The following AKAP14 variants were observed in gnomAD, a reference collection of about 807,000 sequenced individuals.
AKAP14 encodes A-kinase anchor protein 14.
In AKAP14, 4 loss-of-function variants were observed where a neutral mutation model predicts 17.0. That is an observed-to-expected ratio of 0.23 (90% CI 0.12 to 0.54). AKAP14 has a LOEUF of 0.54. AKAP14 is among the 20% of genes least tolerant of loss of function. The pLI, the probability that AKAP14 is intolerant of heterozygous loss-of-function variation, is 0.95. For synonymous variants in AKAP14, 42 were observed against 51.3 expected (o/e 0.82, Z 0.77); for missense variants, 129 against 150.9 (o/e 0.85, Z 0.76).
At chrX:119,903,072 C>T (rs1603377433) in intron 2 of AKAP14, 142 bp from the exon 3 acceptor site, 4 of 541,147 alleles carry the variant, frequency 7.4e-6, no homozygotes, top group Non-Finnish European at 1.2e-5. Flanking sequence ...CTGACTCCTA[C>T]CCTTAAACCC....
intron 4 of AKAP14, 159 bp downstream of exon 4, chrX:119,903,745 C>T: frequency 3.1e-6 from 3 of 972,502 alleles, no homozygotes; most frequent in Non-Finnish European, 4.2e-6. Context: ...GTTCCAAAAT[C>T]AAGGTGGGAT....
intron 5 of AKAP14, 120 bp downstream of exon 5, chrX:119,914,998 A>G: frequency 1.3e-6 from 1 of 755,432 alleles, no homozygotes; most frequent in Admixed American, 3.1e-5. Flanking sequence ...TCCTCATCTT[A>G]CTGGCCTATG....
At chrX:119,919,326 AG>A (rs1158094704) in intron 5 of AKAP14, among the ~76,000 whole-genome samples, 2 of 112,401 alleles carry the variant, frequency 1.8e-5, no homozygotes. Context: ...CATGTAAAGA[AG>A]GTTAATGACT....
chrX:119,919,620 C>A (rs894489610), intron 5 of AKAP14, among the ~76,000 whole-genome samples: 3 of 111,676 alleles, frequency 2.7e-5, no homozygotes, highest in African/African-American at 9.7e-5. Flanking sequence ...CCGAGGTGGG[C>A]GGATCACCTG....
chrX:119,903,555 AGG>A lies in AKAP14; in HGVS notation c.232_233del (p.Gly78SerfsTer2). ...ACTCACGGTGAATTCACTGTGGAAA[AGG>A]GTCTTAAACAAATTGACGAATATTT... On this transcript the variant is annotated frameshift_variant, in exon 4 of 7. Transcript: ENST00000371431. LOFTEE classifies it high-confidence loss of function. The A allele has an allele frequency of 4.1e-6, 5 of 1,211,766 alleles. No homozygotes were observed. The highest frequency in any genetic ancestry group is 5.6e-6 in the Non-Finnish European group (5 of 895,465).
rs112873913 is a variant in AKAP14, at chrX:119,911,169, A to T, written c.262-3530A>T. Among the ~76,000 whole-genome samples the T allele has an allele frequency of 7.2e-3, 768 of 105,999 alleles. 4 individuals carry two copies. The highest frequency in any genetic ancestry group is 0.026 in the South Asian group (59 of 2,231). The allele number at this position is 105,999 out of a possible 115,157, so 92.0% of individuals were successfully genotyped here. A position where few individuals can be genotyped will look rare whatever the true frequency, so the allele number is the denominator to read the frequency against. ...GGAGTTCAAGATCAGCCTGACCAAC[A>T]TGGTGAAACCCTGTCTCTACTAAAA... On this transcript the variant is annotated intron_variant, in intron 4 of 6. Transcript: ENST00000371431.
chrX:119,916,065 G>T (rs2147837991), intron 5 of AKAP14, among the ~76,000 whole-genome samples: 1 of 110,718 alleles, frequency 9.0e-6, no homozygotes, highest in Admixed American at 9.7e-5. Context: ...CTATCCTCCT[G>T]CCTCAGCCTC....
chrX:119,896,805 C>CTTTTTTTT lies in AKAP14; in HGVS notation c.-11+545_-11+546insTTTTTTTT, dbSNP rs765107118. On this transcript the variant is annotated intron_variant, in intron 2 of 6. Transcript: ENST00000371431. ...CAAATGGGCAATTTTCTTTTCTTTT[C>CTTTTTTTT]TTTTTTTCTTTTTTTTTTTTTTTGA... Among the ~76,000 whole-genome samples, 22 of 70,768 alleles carry CTTTTTTTT rather than the reference C, an allele frequency of 3.1e-4. 1 individual carries two copies. The highest frequency in any genetic ancestry group is 5.2e-4 in the East Asian group (1 of 1,931). The allele number at this position is 70,768 out of a possible 115,157, so 61.5% of individuals were successfully genotyped here.
At chrX:119,919,283 T>C (rs951221326) in intron 5 of AKAP14, among the ~76,000 whole-genome samples, 4 of 112,277 alleles carry the variant, frequency 3.6e-5, no homozygotes, top group African/African-American at 1.3e-4. Context: ...GCCATTCCTA[T>C]GAGGTAGAGA....
At chrX:119,910,361 AC>A (rs1464711563) in intron 4 of AKAP14, among the ~76,000 whole-genome samples, 1 of 111,436 alleles carries the variant, frequency 9.0e-6, no homozygotes, top group Non-Finnish European at 1.9e-5. Flanking sequence ...TCTCCACATT[AC>A]TGGGACTTGT....
In AKAP14 at chrX:119,903,632, C is replaced by T. The variant is rs202042393; in HGVS notation, c.261+46C>T. The T allele has an allele frequency of 3.6e-4, 437 of 1,201,090 alleles. 2 individuals carry two copies. In the South Asian group the frequency reaches 5.0e-3, roughly 14 times the overall value. ...CAGCATGGTACACCGGTGTGAAGAA[C>T]AATAAAGAGACTCTCAGCAGATCAA... On this transcript the variant is annotated intron_variant, in intron 4 of 6. Coordinates refer to ENST00000371431, the MANE Select transcript of AKAP14 (RefSeq NM_178813.6).
chrX:119,896,811 TTC>T (rs1491035375), intron 2 of AKAP14, among the ~76,000 whole-genome samples: 629 of 58,789 alleles, frequency 0.011, 28 homozygotes, highest in African/African-American at 0.02. Context: ...TTTTCTTTTT[TTC>T]TTTTTTTTTT....
At chrX:119,909,534 A>G (rs1275312038) in intron 4 of AKAP14, among the ~76,000 whole-genome samples, 1 of 82,729 alleles carries the variant, frequency 1.2e-5, no homozygotes, top group African/African-American at 5.3e-5. Context: ...TCTCAAAAAC[A>G]TAAAAAAAAA....
intron 2 of AKAP14, among the ~76,000 whole-genome samples, chrX:119,896,908 C>G (rs2056531376): frequency 9.9e-6 from 1 of 100,702 alleles, no homozygotes; most frequent in African/African-American, 3.7e-5. Context: ...CCTCTGGTTT[C>G]AAGTGATTCT....
intron 4 of AKAP14, among the ~76,000 whole-genome samples, chrX:119,904,479 G>A (rs1226542053): frequency 8.9e-6 from 1 of 112,341 alleles, no homozygotes; most frequent in Non-Finnish European, 1.9e-5. Flanking sequence ...CAGGCGCAGT[G>A]GTTCACATCT....
chrX:119,897,149 T>G (rs1182253578), intron 2 of AKAP14, among the ~76,000 whole-genome samples: 1 of 101,171 alleles, frequency 9.9e-6, no homozygotes, highest in Non-Finnish European at 2.0e-5. Context: ...CTTCTTTCCT[T>G]CTTTCTCTCT....
At position 119,897,407 on chromosome X, in the gene AKAP14, C is replaced by T. The variant is rs1447870365; in HGVS notation, c.-11+1140C>T. On this transcript the variant is annotated intron_variant, in intron 2 of 6. Coordinates refer to ENST00000371431, the MANE Select transcript of AKAP14 (RefSeq NM_178813.6). ...ATCTCCTGACCTCGTGATCCGCCCG[C>T]CTTGGCCTCCCAAAGTGCTGGGATT... Among the ~76,000 whole-genome samples the T allele has an allele frequency of 1.3e-4, 14 of 110,811 alleles. No individual in the cohort carries two copies. The Admixed American group carries it at 1.3e-3, about 10-fold the overall frequency.
rs1315570176 is a variant in AKAP14 at position 119,914,805 on chromosome X, C to CT, written c.369dup (p.Ala124CysfsTer2). 1 of 1,211,208 alleles carries CT rather than the reference C, an allele frequency of 8.3e-7. No individual in the cohort carries two copies. Among genetic ancestry groups the CT allele is most frequent in the Middle Eastern group, 2.3e-4 (1 of 4,354 alleles). On this transcript the variant is annotated frameshift_variant, in exon 5 of 7. Transcript: ENST00000371431. LOFTEE classifies it high-confidence loss of function. The stretch of plus-strand genomic sequence containing the variant: ...TACTATGTACACTGGAGTATCTCAA[C>CT]TGCTGACCTACCCGTAGCACGAATC...
chrX:119,913,897 A>G (rs551930812), intron 4 of AKAP14, among the ~76,000 whole-genome samples: 1 of 110,659 alleles, frequency 9.0e-6, no homozygotes, highest in Non-Finnish European at 1.9e-5. Flanking sequence ...TCCTCCACCC[A>G]TGGTGATAAT....
Sources: gnomAD v4.1 joint callset for allele counts (sites outside exome capture counted in the v4.1 genomes callset) on GRCh38, gnomAD v4.1.1 for gene constraint, MANE v1.5 for transcripts, NCBI Gene and HGNC (gene_info 2026-07-23, HGNC 2026-07-21) for gene names.